The following SMARCAL1 variants were observed in gnomAD, a reference collection of about 807,000 sequenced individuals.
The protein encoded by SMARCAL1 is ATP-driven annealing helicase.
A neutral mutation model predicts 94.5 loss-of-function variants in SMARCAL1; 58 were observed. The observed-to-expected ratio is 0.61, with a 90% CI of 0.50 to 0.76. The LOEUF is 0.76. Ranked by LOEUF, SMARCAL1 falls within the 30% of genes least tolerant of loss-of-function variation. The pLI, the probability that SMARCAL1 is intolerant of heterozygous loss-of-function variation, is 0.00. For synonymous variants in SMARCAL1, 422 were observed against 455.1 expected, an observed-to-expected ratio of 0.93 and a Z score of 0.93; for missense variants, 1,051 against 1,177.9, an observed-to-expected ratio of 0.89 and a Z score of 1.58.
At chr2:216,481,969 A>G (rs112772337) in intron 17 of SMARCAL1, among the ~76,000 whole-genome samples, 7,922 of 152,344 alleles carry the variant, frequency 0.052, 301 homozygotes, top group African/African-American at 0.11. Flanking sequence ...GGTTGTATCC[A>G]CTGGGCATGG....
At chr2:216,448,126 T>C (rs1360929146) in intron 11 of SMARCAL1, among the ~76,000 whole-genome samples, 1 of 152,246 alleles carries the variant, frequency 6.6e-6, no homozygotes, top group Non-Finnish European at 1.5e-5. Context: ...CTTAGCATAG[T>C]TAATTGCAAA....
Position 216,414,624 on chromosome 2 carries a change from A to C in SMARCAL1, c.-58-23A>C, listed in dbSNP as rs1461117707. The C allele has an allele frequency of 3.0e-5, 37 of 1,215,596 alleles. No individual in the cohort carries two copies. The South Asian group carries it at 3.5e-4, about 11-fold the overall frequency. 75.3% of individuals were successfully genotyped at this position (1,215,596 alleles called of 1,614,324 possible). ...AATTAATACATGTAATGTTCATTTC[A>C]TTCTTCTTACTTTCTTCCACAGCTT... On this transcript the variant is annotated intron_variant, in intron 2 of 17. Coordinates refer to ENST00000357276, the MANE Select transcript of SMARCAL1 (RefSeq NM_014140.4).
At chr2:216,479,593 GGATA>G (rs1261603410) in intron 17 of SMARCAL1, among the ~76,000 whole-genome samples, 1 of 151,214 alleles carries the variant, frequency 6.6e-6, no homozygotes, top group African/African-American at 2.4e-5. Context: ...CTAAATATTG[GGATA>G]AATAAGACTC....
chr2:216,415,096 C>T lies in SMARCAL1; in HGVS notation c.392C>T (p.Pro131Leu), dbSNP rs1693558166. ...GISPPLAQSP[P>L]EVPKQQLLSY... ...TCTCCTCCCTTGGCACAAAGTCCTCCAGAGGTCCCTAAACAACAGCTCTTG... is the reference window on the plus strand; with the variant it reads ...TCTCCTCCCTTGGCACAAAGTCCTCTAGAGGTCCCTAAACAACAGCTCTTG... Residue 131 changes from proline to leucine, a missense_variant, in exon 3 of 18, where the codon CCA becomes CTA. Around this residue, in one of 3 missense-constraint regions of SMARCAL1, gnomAD observed 398 missense variants for 395.2 expected, o/e 1.01. Coordinates refer to ENST00000357276, the MANE Select transcript of SMARCAL1 (RefSeq NM_014140.4). The T allele has an allele frequency of 1.9e-6, 3 of 1,613,938 alleles. No individual in the cohort carries two copies. The highest frequency in any genetic ancestry group is 2.5e-6 in the Non-Finnish European group (3 of 1,179,984).
chr2:216,476,244 CATT>C (rs1695076246), intron 15 of SMARCAL1, among the ~76,000 whole-genome samples: 1 of 151,860 alleles, frequency 6.6e-6, no homozygotes, highest in African/African-American at 2.4e-5. Flanking sequence ...TAAGAGACTA[CATT>C]AATAATGGGT....
chr2:216,460,498 A>C (rs1365138594), intron 12 of SMARCAL1, among the ~76,000 whole-genome samples: 1 of 152,122 alleles, frequency 6.6e-6, no homozygotes, highest in Non-Finnish European at 1.5e-5. Context: ...ATGGAATACT[A>C]TGCAGCTATG....
At chr2:216,459,776 C>T (rs1694654458) in intron 12 of SMARCAL1, among the ~76,000 whole-genome samples, 1 of 151,870 alleles carries the variant, frequency 6.6e-6, no homozygotes, top group Non-Finnish European at 1.5e-5. Flanking sequence ...TAGGCATGGG[C>T]AAGGACTTCA....
rs1450308859 is a variant in SMARCAL1 at position 216,416,701 on chromosome 2, C to T, written c.862+394C>T. 5.9e-5 allele frequency among the ~76,000 whole-genome samples: 9 copies of T among 152,336 alleles called. No individual in the cohort carries two copies. In the Middle Eastern group the frequency reaches 0.01, roughly 173 times the overall value. On this transcript the variant is annotated intron_variant, in intron 4 of 17. Coordinates refer to ENST00000357276, the MANE Select transcript of SMARCAL1 (RefSeq NM_014140.4). Reference sequence around the variant, plus strand: ...CCTGACAGTCTGACTTCAGACTACACGTTCCCACCAGACTATGCTGGCCCC... The same window carrying T: ...CCTGACAGTCTGACTTCAGACTACATGTTCCCACCAGACTATGCTGGCCCC...
chr2:216,466,191 T>C (rs76052387), intron 13 of SMARCAL1, among the ~76,000 whole-genome samples: 14,722 of 152,258 alleles, frequency 0.097, 881 homozygotes, highest in South Asian at 0.18. Context: ...TCAGATACTG[T>C]GCCCAGAGCC....
At chr2:216,440,104 G>A (rs549148117) in intron 10 of SMARCAL1, among the ~76,000 whole-genome samples, 23 of 151,342 alleles carry the variant, frequency 1.5e-4, no homozygotes, top group African/African-American at 5.6e-4. Flanking sequence ...ATATTTATAT[G>A]TCAATAGCCA....
At position 216,428,726 on chromosome 2, in the gene SMARCAL1, T is replaced by A. The variant is rs780207194; in HGVS notation, c.1278T>A (p.Ser426=). 4.3e-6 allele frequency: 7 copies of A among 1,614,226 alleles called. No individual in the cohort carries two copies. In the Admixed American group the frequency reaches 1.2e-4, roughly 27 times the overall value. Residue 426 remains serine, a synonymous_variant, in exon 7 of 18, where the codon TCT becomes TCA. Coordinates refer to ENST00000357276, the MANE Select transcript of SMARCAL1 (RefSeq NM_014140.4). Reference sequence around the variant, plus strand: ...CAGATGTCCCAGAGGCAGACCTTTCTGAAGTGGACCCCAAGCTCGTGTCTA... The same window carrying A: ...CAGATGTCCCAGAGGCAGACCTTTCAGAAGTGGACCCCAAGCTCGTGTCTA... ...LTPDVPEADL[S]EVDPKLVSNL... is the part of the protein sequence containing the mutation.
intron 10 of SMARCAL1, among the ~76,000 whole-genome samples, chr2:216,444,802 C>T (rs1272627613): frequency 6.6e-6 from 1 of 152,194 alleles, no homozygotes; most frequent in Non-Finnish European, 1.5e-5. Flanking sequence ...CAGGCGTGAG[C>T]CATCATGCCC....
chr2:216,425,567 T>C lies in SMARCAL1; in HGVS notation c.1147+1884T>C, dbSNP rs372839595. On this transcript the variant is annotated intron_variant, in intron 6 of 17. Transcript: ENST00000357276. ...TGCAGCTTGGCGAGCAGACCAAGAA[T>C]GTGTTATAGCCCTTTTCTCACCTGC... Among the ~76,000 whole-genome samples the C allele has an allele frequency of 2.0e-4, 30 of 152,246 alleles. No individual in the cohort carries two copies. In the East Asian group the frequency reaches 5.4e-3, roughly 27 times the overall value.
At chr2:216,433,322 G>A (rs1342171209) in intron 8 of SMARCAL1, among the ~76,000 whole-genome samples, 1 of 152,074 alleles carries the variant, frequency 6.6e-6, no homozygotes, top group Non-Finnish European at 1.5e-5. Context: ...GGGTTCAAGT[G>A]ATCCACCTGT....
chr2:216,459,588 G>T (rs1161623261), intron 12 of SMARCAL1, among the ~76,000 whole-genome samples: 17 of 152,106 alleles, frequency 1.1e-4, no homozygotes, highest in Non-Finnish European at 2.4e-4. Context: ...ATGGGGAAAG[G>T]ATTCCCTATT....
At position 216,428,776 on chromosome 2, in the gene SMARCAL1, G is replaced by A. The variant is rs1158142533; in HGVS notation, c.1328G>A (p.Gly443Glu). The change falls in exon 7 of 18, where the codon GGA becomes GAA. Residue 443 changes from glycine (G) to glutamate (E), a missense_variant. By Grantham distance (98) the Gly-to-Glu change is moderately conservative. Around this residue, in one of 3 missense-constraint regions of SMARCAL1, gnomAD observed 642 missense variants for 754.7 expected, o/e 0.85. Coordinates refer to ENST00000357276, the MANE Select transcript of SMARCAL1 (RefSeq NM_014140.4). ...VSNLMPFQRA[G>E]VNFAIAKGGR... ...AATCTGATGCCCTTTCAGAGAGCTG[G>A]AGTCAAGTAGGTTCTTGATCTTCCT... 6.2e-7 allele frequency: 1 copy of A among 1,614,034 alleles called. No homozygotes were observed. The highest frequency in any genetic ancestry group is 1.1e-5 in the South Asian group (1 of 91,072).
intron 4 of SMARCAL1, among the ~76,000 whole-genome samples, chr2:216,417,097 G>C (rs1226593373): frequency 2.0e-5 from 3 of 152,220 alleles, no homozygotes; most frequent in Non-Finnish European, 4.4e-5. Context: ...GAAAGGAAAA[G>C]ATAAGGATGT....
In SMARCAL1 at chr2:216,447,157, G is replaced by A. The variant is rs199805996; in HGVS notation, c.1850G>A (p.Arg617Gln). Residue 617 changes from arginine (R) to glutamine (Q), a missense_variant and splice_region_variant, in exon 11 of 18, where the codon CGG becomes CAG. Arg to Gln is a conservative substitution (Grantham distance 43). Transcript: ENST00000357276. ...GGACTTCGCTACTGTGATGCCAAAC[G>A]GGTATGTATTATCTCTTCCCTCCCA... Reference protein sequence around the residue: ...AFGLRYCDAKRMPWGWDYSGS... With the variant: ...AFGLRYCDAKQMPWGWDYSGS... The A allele has an allele frequency of 3.1e-6, 5 of 1,613,920 alleles. No homozygotes were observed. Among genetic ancestry groups the A allele is most frequent in the African/African-American group, 2.7e-5 (2 of 74,984 alleles).
intron 6 of SMARCAL1, among the ~76,000 whole-genome samples, chr2:216,427,751 A>G (rs914286886): frequency 6.6e-6 from 1 of 152,244 alleles, no homozygotes; most frequent in South Asian, 2.1e-4. Context: ...GTAGCAGTAG[A>G]TGGCTCAGCC....
Sources: gnomAD v4.1 joint callset for allele counts (sites outside exome capture counted in the v4.1 genomes callset) on GRCh38, gnomAD v4.1.1 for gene constraint, gnomAD v4.1.1 regional missense constraint, MANE v1.5 for transcripts, NCBI Gene and HGNC (gene_info 2026-07-23, HGNC 2026-07-21) for gene names.